Variants in PCTP observed in about 807,000 individuals in gnomAD.
PCTP encodes the protein START domain-containing protein 2.
PCTP carries 27 observed loss-of-function variants against 31.0 expected under a neutral mutation model. The observed-to-expected ratio is 0.87, with a 90% CI of 0.64 to 1.20. The LOEUF (loss-of-function observed/expected upper bound fraction) is 1.20, where lower values mean the gene tolerates loss of function less well. Ranked by LOEUF, PCTP falls within the 50% of genes most tolerant of loss-of-function variation. PCTP has a pLI of 0.00. For missense variants in PCTP, 287 were observed against 268.2 expected (o/e 1.07, Z -0.49); for synonymous variants, 108 against 101.2 (o/e 1.07, Z -0.40).
At chr17:55,797,007 C>A (rs528193082) in intron 3 of PCTP, among the ~76,000 whole-genome samples, 39 of 151,832 alleles carry the variant, frequency 2.6e-4, no homozygotes, top group Non-Finnish European at 2.5e-4. Flanking sequence ...AAGGAGAAGT[C>A]CAATGGAACA....
intron 3 of PCTP, among the ~76,000 whole-genome samples, chr17:55,820,844 T>C (rs970669386): frequency 9.8e-5 from 15 of 152,296 alleles, no homozygotes; most frequent in African/African-American, 3.4e-4. Flanking sequence ...TTCACACCCA[T>C]TAGGATGGCT....
chr17:55,767,317 C>A lies in PCTP; in HGVS notation c.142-18C>A. On this transcript the variant is annotated intron_variant, in intron 1 of 5. Coordinates refer to ENST00000268896, the MANE Select transcript of PCTP (RefSeq NM_021213.4). ...ACTTGGGAACCAATAGACATTTCTA[C>A]CTGTTCTGTTTTTATAGAAGACTGG... The A allele has an allele frequency of 6.8e-7, 1 of 1,477,466 alleles. No individual in the cohort carries two copies. Among genetic ancestry groups the A allele is most frequent in the Non-Finnish European group, 9.4e-7 (1 of 1,060,190 alleles). 91.5% of individuals were successfully genotyped at this position (1,477,466 alleles called of 1,614,324 possible). A position where few individuals can be genotyped will look rare whatever the true frequency, so the allele number is the denominator to read the frequency against.
intron 3 of PCTP, among the ~76,000 whole-genome samples, chr17:55,818,332 GCTC>G (rs1354957261): frequency 6.6e-6 from 1 of 152,198 alleles, no homozygotes; most frequent in African/African-American, 2.4e-5. Flanking sequence ...CACTTTCCTA[GCTC>G]CTCCTGGCTA....
Position 55,776,474 on chromosome 17 carries a change from G to A in PCTP, c.*374G>A. 8.1e-7 allele frequency: 1 copy of A among 1,232,164 alleles called. No homozygotes were observed. The highest frequency in any genetic ancestry group is 1.0e-6 in the Non-Finnish European group (1 of 988,300). The allele number at this position is 1,232,164 out of a possible 1,614,324, so 76.3% of individuals were successfully genotyped here. On this transcript the variant is annotated 3_prime_UTR_variant, in exon 6 of 6. Coordinates refer to ENST00000268896, the MANE Select transcript of PCTP (RefSeq NM_021213.4). ...TTGTGCAATTTTACGGGGATGGGTG[G>A]GCGGAGGGACACAACAAAATTTAAG...
At chr17:55,806,345 A>C (rs867871224) in intron 3 of PCTP, among the ~76,000 whole-genome samples, 8 of 152,142 alleles carry the variant, frequency 5.3e-5, no homozygotes, top group South Asian at 2.1e-4. Flanking sequence ...ATATCTTCCC[A>C]AATCCAAGTT....
At chr17:55,805,334 G>T (rs1912539872) in intron 3 of PCTP, among the ~76,000 whole-genome samples, 1 of 151,988 alleles carries the variant, frequency 6.6e-6, no homozygotes, top group South Asian at 2.1e-4. Flanking sequence ...TACCCAGTAG[G>T]CAATTTTTCA....
downstream of PCTP, among the ~76,000 whole-genome samples, chr17:55,844,664 C>G (rs1371727091): frequency 6.6e-6 from 1 of 152,132 alleles, no homozygotes; most frequent in Non-Finnish European, 1.5e-5. Flanking sequence ...GACATAGAAT[C>G]TAATCCCTGC....
the PCTP span, among the ~76,000 whole-genome samples, chr17:55,850,083 C>A: frequency 6.6e-6 from 1 of 152,210 alleles, no homozygotes; most frequent in East Asian, 1.9e-4. Context: ...AAATTATACT[C>A]ATTTTTATAC....
chr17:55,788,541 A>T (rs1252261701), intron 3 of PCTP, among the ~76,000 whole-genome samples: 1 of 152,190 alleles, frequency 6.6e-6, no homozygotes, highest in Non-Finnish European at 1.5e-5. Context: ...ATCATCTTTG[A>T]CCTCATGGAA....
downstream of PCTP, among the ~76,000 whole-genome samples, chr17:55,844,760 T>C (rs905639128): frequency 6.6e-6 from 1 of 152,062 alleles, no homozygotes; most frequent in Non-Finnish European, 1.5e-5. Context: ...CAGAAAATGG[T>C]AACTTCCACC....
chr17:55,760,574 G>A (rs940454003), intron 1 of PCTP, among the ~76,000 whole-genome samples: 1 of 152,168 alleles, frequency 6.6e-6, no homozygotes, highest in Non-Finnish European at 1.5e-5. Flanking sequence ...TAGCTTTTCT[G>A]ATTTATGAGA....
At chr17:55,835,261 C>T (rs1192188558) in intron 5 of PCTP, among the ~76,000 whole-genome samples, 1 of 152,202 alleles carries the variant, frequency 6.6e-6, no homozygotes, top group Admixed American at 6.5e-5. Flanking sequence ...GCCACCAGTT[C>T]ATGGGACTTC....
At chr17:55,795,374 C>T (rs1376042679) in intron 3 of PCTP, among the ~76,000 whole-genome samples, 2 of 151,966 alleles carry the variant, frequency 1.3e-5, no homozygotes, top group Non-Finnish European at 2.9e-5. Context: ...ATTCATAGAG[C>T]ATGTGGGGCT....
chr17:55,822,585 A>T (rs1369408819), intron 3 of PCTP, among the ~76,000 whole-genome samples: 1 of 152,204 alleles, frequency 6.6e-6, no homozygotes, highest in Non-Finnish European at 1.5e-5. Flanking sequence ...CAGCTCACAT[A>T]ACACAATTTA....
chr17:55,829,084 G>A (rs1449199938), intron 5 of PCTP, among the ~76,000 whole-genome samples: 1 of 152,130 alleles, frequency 6.6e-6, no homozygotes, highest in Non-Finnish European at 1.5e-5. Flanking sequence ...AGAGGAGACA[G>A]TGGGGCTGAG....
intron 1 of PCTP, among the ~76,000 whole-genome samples, chr17:55,756,084 C>T (rs1271107877): frequency 6.6e-6 from 1 of 152,206 alleles, no homozygotes; most frequent in Non-Finnish European, 1.5e-5. Context: ...GTGTGAGAGT[C>T]TCAGCTCTGT....
intron 3 of PCTP, among the ~76,000 whole-genome samples, chr17:55,799,837 A>G (rs185757296): frequency 2.0e-5 from 3 of 152,158 alleles, no homozygotes; most frequent in Non-Finnish European, 4.4e-5. Context: ...TATGAAGCTT[A>G]GTTTGGCTGG....
Position 55,799,820 on chromosome 17 carries a change from C to T in PCTP, c.317+12166C>T, listed in dbSNP as rs554199540. 7.2e-5 allele frequency among the ~76,000 whole-genome samples: 11 copies of T among 152,186 alleles called. No homozygotes were observed. In the South Asian group the frequency reaches 1.9e-3, roughly 26 times the overall value. On this transcript the variant is annotated intron_variant, in intron 3 of 3. Coordinates refer to the PCTP transcript ENST00000572536. ...TTGTCTGTAAAGGATTTTATTTCTC[C>T]TTCACTTATGAAGCTTAGTTTGGCT...
intron 3 of PCTP, among the ~76,000 whole-genome samples, chr17:55,803,102 A>G (rs1912444719): frequency 6.6e-6 from 1 of 152,206 alleles, no homozygotes; most frequent in South Asian, 2.1e-4. Flanking sequence ...GTGAATTCCC[A>G]TTCACAATTG....
Sources: gnomAD v4.1 joint callset for allele counts (sites outside exome capture counted in the v4.1 genomes callset) on GRCh38, gnomAD v4.1.1 for gene constraint, MANE v1.5 for transcripts, NCBI Gene and HGNC (gene_info 2026-07-23, HGNC 2026-07-21) for gene names.